The following ACTN4 variants were observed in gnomAD, a reference collection of about 807,000 sequenced individuals.
ACTN4 encodes alpha-actinin-4.
In ACTN4, 18 loss-of-function variants were observed where a neutral mutation model predicts 114.2. The ratio of observed to expected loss-of-function variants is 0.16; its 90% CI spans 0.11 to 0.23. The LOEUF (loss-of-function observed/expected upper bound fraction) is 0.23, where lower values mean the gene tolerates loss of function less well. Ranked by LOEUF, ACTN4 falls within the 10% of genes least tolerant of loss-of-function variation. ACTN4 has a pLI of 1.00. For missense variants in ACTN4, 722 were observed against 1,262.9 expected (o/e 0.57, Z 6.49); for synonymous variants, 515 against 506.3 (o/e 1.02, Z -0.23).
chr19:38,710,931 A>C, intron 8 of ACTN4: 1 of 173,980 alleles, frequency 5.7e-6, no homozygotes, highest in Non-Finnish European at 1.2e-5. Context: ...TTCATGTTCC[A>C]CTCTGAGGGC....
intron 1 of ACTN4, among the ~76,000 whole-genome samples, chr19:38,675,852 A>G: frequency 6.6e-6 from 1 of 152,140 alleles, no homozygotes. Flanking sequence ...AGAGGGCCCC[A>G]GTGTGTTGTT....
At chr19:38,649,459 T>C (rs1344300137) in intron 1 of ACTN4, among the ~76,000 whole-genome samples, 1 of 152,144 alleles carries the variant, frequency 6.6e-6, no homozygotes, top group Non-Finnish European at 1.5e-5. Flanking sequence ...CTGGATTTTC[T>C]TTCCAGATTT....
chr19:38,667,688 T>A (rs1248606331), intron 1 of ACTN4, among the ~76,000 whole-genome samples: 1 of 148,406 alleles, frequency 6.7e-6, no homozygotes, highest in Non-Finnish European at 1.5e-5. Flanking sequence ...ACTAGTCTGA[T>A]GTATCTGTTT....
At chr19:38,719,278 C>T (rs2145071249) in intron 11 of ACTN4, among the ~76,000 whole-genome samples, 1 of 152,364 alleles carries the variant, frequency 6.6e-6, no homozygotes, top group Admixed American at 6.5e-5. Flanking sequence ...ACACAGTCTC[C>T]CTGGCCCTCC....
At chr19:38,704,033 C>A (rs534600041) in intron 3 of ACTN4, among the ~76,000 whole-genome samples, 1 of 152,332 alleles carries the variant, frequency 6.6e-6, no homozygotes, top group East Asian at 1.9e-4. Context: ...TCCCTGTGGG[C>A]CAGGCATGGT....
At chr19:38,662,625 A>G (rs75544435) in intron 1 of ACTN4, among the ~76,000 whole-genome samples, 3,820 of 152,280 alleles carry the variant, frequency 0.025, 81 homozygotes, top group Admixed American at 0.06. Context: ...ACTTTATAAA[A>G]TCAATTCAGA....
rs1281228824 is a variant in ACTN4 at position 38,730,791 on chromosome 19, T to G, written c.*1359T>G. 1.3e-6 allele frequency: 2 copies of G among 1,541,914 alleles called. No homozygotes were observed. The highest frequency in any genetic ancestry group is 1.8e-6 in the Non-Finnish European group (2 of 1,140,162). On this transcript the variant is annotated 3_prime_UTR_variant, in exon 21 of 21. Transcript: ENST00000252699. ...AGTGGCACCCATGCCAGGCAAGGCC[T>G]AGGGAGGTGGTCTTGCTCAGCAACC...
At chr19:38,714,054 G>A (rs117849076) in intron 8 of ACTN4, among the ~76,000 whole-genome samples, 1 of 152,162 alleles carries the variant, frequency 6.6e-6, no homozygotes, top group Non-Finnish European at 1.5e-5. Flanking sequence ...TCCGGGACCC[G>A]GGCGCCCCTG....
At chr19:38,723,116 G>T (rs1342273241) in intron 12 of ACTN4, among the ~76,000 whole-genome samples, 3 of 152,212 alleles carry the variant, frequency 2.0e-5, no homozygotes, top group Non-Finnish European at 4.4e-5. Flanking sequence ...AGGCCAAGAG[G>T]TTTGCCCAGG....
chr19:38,709,756 C>T (rs1420747862), intron 7 of ACTN4, among the ~76,000 whole-genome samples: 3 of 152,188 alleles, frequency 2.0e-5, no homozygotes, highest in Non-Finnish European at 4.4e-5. Context: ...GAGGGTGCAT[C>T]TCCTCAGGGC....
chr19:38,713,896 T>C (rs1300890138), intron 8 of ACTN4, among the ~76,000 whole-genome samples: 10 of 152,166 alleles, frequency 6.6e-5, no homozygotes, highest in Admixed American at 6.5e-4. Flanking sequence ...CCAGGGACTA[T>C]GTCCACCACT....
At chr19:38,697,395 G>A (rs887043646) in intron 1 of ACTN4, among the ~76,000 whole-genome samples, 11 of 152,222 alleles carry the variant, frequency 7.2e-5, no homozygotes, top group Non-Finnish European at 1.6e-4. Context: ...GATTCATCTG[G>A]CTCTTACTTT....
At chr19:38,691,565 A>C (rs959115503) in intron 1 of ACTN4, among the ~76,000 whole-genome samples, 4 of 152,044 alleles carry the variant, frequency 2.6e-5, no homozygotes, top group Admixed American at 6.6e-5. Context: ...GCTAGACGAA[A>C]GTCTTAGACC....
rs887339828 is a variant in ACTN4 at position 38,727,442 on chromosome 19, T to C, written c.2337+339T>C. Among the ~76,000 whole-genome samples, 5 of 152,084 alleles carry C rather than the reference T, an allele frequency of 3.3e-5. No homozygotes were observed. Among genetic ancestry groups the C allele is most frequent in the African/African-American group, 1.2e-4 (5 of 41,420 alleles). On this transcript the variant is annotated intron_variant, in intron 18 of 20. Coordinates refer to ENST00000252699, the MANE Select transcript of ACTN4 (RefSeq NM_004924.6). The surrounding 1 kb of genome is among the most constrained non-coding windows in gnomAD (Gnocchi z 5.4). ...ACACAGACACCCCGCACAGTGCTTT[T>C]AGAATTCAGATTTGGTCCGGCAGCC...
intron 11 of ACTN4, among the ~76,000 whole-genome samples, chr19:38,720,383 G>A (rs1968999539): frequency 6.6e-6 from 1 of 152,224 alleles, no homozygotes; most frequent in African/African-American, 2.4e-5. Flanking sequence ...GGCAGAGGGA[G>A]ATGTCACCTG....
At position 38,726,953 on chromosome 19, in the gene ACTN4, G is replaced by A. The variant is rs371779934; in HGVS notation, c.2191-4G>A. ...CCCACGATCACGCCCCCGTCTTTCC[G>A]CAGCACATCCGCGTGGGCTGGGAGC... On this transcript the variant is annotated splice_region_variant and splice_polypyrimidine_tract_variant and intron_variant, in intron 17 of 20. Coordinates refer to ENST00000252699, the MANE Select transcript of ACTN4 (RefSeq NM_004924.6). 1.7e-5 allele frequency: 27 copies of A among 1,613,728 alleles called. No homozygotes were observed. The Admixed American group carries it at 2.8e-4, about 17-fold the overall frequency.
chr19:38,728,085 T>C, intron 19 of ACTN4, 59 bp downstream of exon 19: 1 of 1,514,854 alleles, frequency 6.6e-7, no homozygotes, highest in South Asian at 1.2e-5. Flanking sequence ...CTCTCTCTCC[T>C]TCTCTCTTTC....
At chr19:38,662,080 A>G (rs907611744) in intron 1 of ACTN4, among the ~76,000 whole-genome samples, 9 of 152,186 alleles carry the variant, frequency 5.9e-5, no homozygotes, top group African/African-American at 9.7e-5. Flanking sequence ...GTTCAGAGAA[A>G]GAGACAGGCA....
At chr19:38,680,168 G>A (rs535789517) in intron 1 of ACTN4, among the ~76,000 whole-genome samples, 4 of 148,644 alleles carry the variant, frequency 2.7e-5, no homozygotes, top group East Asian at 2.0e-4. Context: ...GTATTTGTCC[G>A]TGTATCCCCA....
Sources: allele counts gnomAD v4.1 joint callset (sites outside exome capture counted in the v4.1 genomes callset), GRCh38; gene constraint gnomAD v4.1.1; non-coding constraint Gnocchi (gnomAD v3.1); transcripts MANE v1.5; gene names NCBI Gene and HGNC (gene_info 2026-07-23, HGNC 2026-07-21).